SNX14: variants seen among roughly 807,000 people sequenced by gnomAD.
SNX14 encodes sorting nexin 14, also known as sorting nexin-14.
In SNX14, 93 loss-of-function variants were observed where a neutral mutation model predicts 133.8. The ratio of observed to expected loss-of-function variants is 0.70; its 90% CI spans 0.59 to 0.83. The LOEUF is 0.83. SNX14 is among the 40% of genes least tolerant of loss of function. The pLI is 0.00. For missense variants in SNX14, 945 were observed against 1,094.9 expected (o/e 0.86, Z 1.93); for synonymous variants, 368 against 365.6 (o/e 1.01, Z -0.07).
intron 20 of SNX14, among the ~76,000 whole-genome samples, chr6:85,527,242 T>C (rs1474947462): frequency 1.3e-5 from 2 of 152,162 alleles, no homozygotes; most frequent in African/African-American, 2.4e-5. Context: ...CTCTAGTTTG[T>C]AGAAATAATT....
At chr6:85,509,645 G>A (rs559702847) in intron 26 of SNX14, among the ~76,000 whole-genome samples, 3 of 152,230 alleles carry the variant, frequency 2.0e-5, no homozygotes, top group Non-Finnish European at 2.9e-5. Flanking sequence ...GTGTACATTT[G>A]TTACAACTGA....
At chr6:85,510,650 T>C (rs534848437) in intron 26 of SNX14, among the ~76,000 whole-genome samples, 1 of 152,352 alleles carries the variant, frequency 6.6e-6, no homozygotes, top group South Asian at 2.1e-4. Flanking sequence ...ATTTCGTCTA[T>C]GGTTCATGCC....
At chr6:85,538,753 TTTCC>T in intron 16 of SNX14, 81 bp downstream of exon 16, 1 of 1,236,812 alleles carries the variant, frequency 8.1e-7, no homozygotes. Flanking sequence ...GTTCCATTTT[TTTCC>T]TTTTTATTTG....
At chr6:85,527,399 T>TA (rs1778847844) in intron 20 of SNX14, among the ~76,000 whole-genome samples, 2 of 84,310 alleles carry the variant, frequency 2.4e-5, no homozygotes, top group Admixed American at 1.6e-4. Flanking sequence ...ATATATATAT[T>TA]TTTTTTTCAA....
intron 8 of SNX14, among the ~76,000 whole-genome samples, 183 bp from the exon 9 acceptor site, chr6:85,548,559 T>C (rs1786565461): frequency 6.6e-6 from 1 of 152,202 alleles, no homozygotes; most frequent in Admixed American, 6.5e-5. Flanking sequence ...GCTACTGGTT[T>C]GCAGAACACA....
At position 85,547,119 on chromosome 6, in the gene SNX14, C is replaced by T. The variant is rs1400019853; in HGVS notation, c.1101G>A (p.Leu367=). 1 of 1,612,708 alleles carries T rather than the reference C, an allele frequency of 6.2e-7. No homozygotes were observed. ...EGAVHVLQFC[L]TVEEFNDRIL... ...TACACAGGTAAGCCTCACCCACAGT[C>T]AAACAAAACTGCAACACGTGCACTG... The change falls in exon 12 of 29, where the codon TTG becomes TTA. Residue 367 remains leucine, a synonymous_variant. Coordinates refer to ENST00000314673, the MANE Select transcript of SNX14 (RefSeq NM_153816.6).
intron 4 of SNX14, 64 bp from the exon 5 acceptor site, chr6:85,567,641 C>T: frequency 9.2e-7 from 1 of 1,089,534 alleles, no homozygotes; most frequent in Non-Finnish European, 1.3e-6. Context: ...ATAAATGGTA[C>T]CATTTGGGAA....
chr6:85,587,556 CT>C (rs1801340346), intron 1 of SNX14, among the ~76,000 whole-genome samples: 1 of 152,092 alleles, frequency 6.6e-6, no homozygotes, highest in Admixed American at 6.5e-5. Flanking sequence ...GCCTCAACCT[CT>C]TAGGCACAAG....
chr6:85,516,031 A>C (rs1774837907), intron 23 of SNX14, among the ~76,000 whole-genome samples: 1 of 152,214 alleles, frequency 6.6e-6, no homozygotes, highest in Admixed American at 6.5e-5. Context: ...TGTTACTATT[A>C]AACTTTTGTA....
chr6:85,538,793 C>T, intron 16 of SNX14, 45 bp downstream of exon 16: 1 of 1,551,806 alleles, frequency 6.4e-7, no homozygotes, highest in Non-Finnish European at 8.7e-7. Flanking sequence ...AATGTACTTT[C>T]TAAAAACATT....
chr6:85,565,303 T>C, intron 6 of SNX14, 29 bp downstream of exon 6: 1 of 1,443,034 alleles, frequency 6.9e-7, no homozygotes, highest in Non-Finnish European at 9.4e-7. Context: ...AAGCCCCAAA[T>C]TCCCAAATTT....
intron 14 of SNX14, among the ~76,000 whole-genome samples, chr6:85,542,891 T>C (rs901803108): frequency 3.9e-5 from 6 of 151,998 alleles, no homozygotes; most frequent in Non-Finnish European, 8.8e-5. Context: ...CTCAGCCTCC[T>C]GAGTAACTGA....
chr6:85,566,639 A>G (rs569409859), intron 5 of SNX14, among the ~76,000 whole-genome samples: 1 of 152,030 alleles, frequency 6.6e-6, no homozygotes, highest in Non-Finnish European at 1.5e-5. Flanking sequence ...TGGAGGTTGC[A>G]GTGAGCTGAG....
intron 4 of SNX14, 53 bp from the exon 5 acceptor site, chr6:85,567,630 A>C (rs1794293428): frequency 8.4e-7 from 1 of 1,186,686 alleles, no homozygotes; most frequent in East Asian, 3.0e-5. Flanking sequence ...GTTTTTGGAA[A>C]ATAAATGGTA....
intron 1 of SNX14, among the ~76,000 whole-genome samples, chr6:85,583,012 G>A (rs889914434): frequency 2.0e-5 from 3 of 152,164 alleles, no homozygotes; most frequent in South Asian, 4.2e-4. Flanking sequence ...ACATCGATGC[G>A]AAAATCCTCA....
intron 1 of SNX14, among the ~76,000 whole-genome samples, chr6:85,588,655 C>A (rs1801797847): frequency 6.6e-6 from 1 of 152,056 alleles, no homozygotes; most frequent in Admixed American, 6.6e-5. Context: ...CATTGGTCTC[C>A]CCGCAGTCAA....
In SNX14 at chr6:85,533,734, G is replaced by A. The variant is rs1780983357; in HGVS notation, c.1675C>T (p.Pro559Ser). The change falls in exon 18 of 29, where the codon CCC becomes TCC. Residue 559 changes from proline (P) to serine (S), a missense_variant. By Grantham distance (74) the Pro-to-Ser change is moderately conservative. Coordinates refer to ENST00000314673, the MANE Select transcript of SNX14 (RefSeq NM_153816.6). Reference sequence around the variant, plus strand: ...ATTTTCCATGCAGCAAGGTTTCGGGGAGTATTAGGTGTGCTCACAGCCTCC... The same window carrying A: ...ATTTTCCATGCAGCAAGGTTTCGGGAAGTATTAGGTGTGCTCACAGCCTCC... ...PVEAVSTPNT[P>S]RNLAAWKISI... is the part of the protein sequence containing the mutation. 3 of 1,613,874 alleles carry A rather than the reference G, an allele frequency of 1.9e-6. No individual in the cohort carries two copies. Among genetic ancestry groups the A allele is most frequent in the South Asian group, 1.1e-5 (1 of 91,070 alleles).
chr6:85,572,560 A>AAATACC (rs1795993657), intron 2 of SNX14, among the ~76,000 whole-genome samples, 186 bp from the exon 3 acceptor site: 1 of 151,378 alleles, frequency 6.6e-6, no homozygotes, highest in Non-Finnish European at 1.5e-5. Flanking sequence ...ATCAGAGAAA[A>AAATACC]AAATACCACA....
intron 2 of SNX14, among the ~76,000 whole-genome samples, 154 bp from the exon 3 acceptor site, chr6:85,572,528 A>G (rs1393773026): frequency 6.6e-6 from 1 of 151,598 alleles, no homozygotes; most frequent in Non-Finnish European, 1.5e-5. Context: ...TTTGTAATAC[A>G]TAATACTGGC....
Sources: gnomAD v4.1 joint callset for allele counts (sites outside exome capture counted in the v4.1 genomes callset) on GRCh38, gnomAD v4.1.1 for gene constraint, MANE v1.5 for transcripts, NCBI Gene and HGNC (gene_info 2026-07-23, HGNC 2026-07-21) for gene names.